BICD1: variants seen among roughly 807,000 people sequenced by gnomAD.
The protein encoded by BICD1 is BICD cargo adaptor 1.
A neutral mutation model predicts 92.5 loss-of-function variants in BICD1; 35 were observed. That is an observed-to-expected ratio of 0.38 (90% CI 0.29 to 0.50). The LOEUF is 0.50. Ranked by LOEUF, BICD1 falls within the 20% of genes least tolerant of loss-of-function variation. The pLI is 0.93. For missense variants in BICD1, 950 were observed against 1,189.8 expected (o/e 0.80, Z 2.97); for synonymous variants, 429 against 465.1 (o/e 0.92, Z 1.00).
At chr12:32,170,904 G>A (rs1054076995) in intron 1 of BICD1, among the ~76,000 whole-genome samples, 3 of 152,166 alleles carry the variant, frequency 2.0e-5, no homozygotes, top group African/African-American at 7.2e-5. Flanking sequence ...TACTGCCGAG[G>A]ACGAGAAGCC....
chr12:32,315,645 A>G (rs936527992), intron 4 of BICD1, among the ~76,000 whole-genome samples: 6 of 152,104 alleles, frequency 3.9e-5, no homozygotes, highest in African/African-American at 1.4e-4. Flanking sequence ...TCTTTCAACA[A>G]TGCTTTATAA....
intron 8 of BICD1, among the ~76,000 whole-genome samples, chr12:32,349,815 T>C (rs1481535728): frequency 2.0e-5 from 3 of 152,338 alleles, no homozygotes; most frequent in Admixed American, 6.5e-5. Flanking sequence ...GGAGTAGTGA[T>C]GTTCCTGAGT....
intron 1 of BICD1, among the ~76,000 whole-genome samples, chr12:32,205,280 T>C (rs1317870741): frequency 1.3e-5 from 2 of 152,118 alleles, no homozygotes; most frequent in African/African-American, 4.8e-5. Flanking sequence ...CTGAGAATAT[T>C]TGGGAATCTC....
chr12:32,211,595 G>A (rs1351438204), intron 1 of BICD1, among the ~76,000 whole-genome samples: 3 of 151,820 alleles, frequency 2.0e-5, no homozygotes, highest in African/African-American at 4.8e-5. Context: ...CGAAAAATAC[G>A]AGAGCCACAG....
chr12:32,306,187 A>C (rs1948211298), intron 4 of BICD1, 65 bp downstream of exon 4: 1 of 1,398,386 alleles, frequency 7.2e-7, no homozygotes, highest in African/African-American at 1.4e-5. Context: ...ATGTTGTGGG[A>C]CTTCTGATTC....
intron 8 of BICD1, among the ~76,000 whole-genome samples, chr12:32,362,902 A>G (rs1939388418): frequency 6.6e-6 from 1 of 152,192 alleles, no homozygotes; most frequent in South Asian, 2.1e-4. Flanking sequence ...ATATTCTCCC[A>G]TATTATCAAA....
rs187229743 is a variant in BICD1, at chr12:32,124,554, G to A, written c.213+17010G>A. Among the ~76,000 whole-genome samples the A allele has an allele frequency of 1.8e-4, 28 of 152,258 alleles. No individual in the cohort carries two copies. The East Asian group carries it at 5.2e-3, about 28-fold the overall frequency. ...CACTTGATAAATGATGGATGTGATG[G>A]TGACAATAATAGTAATAATAATAAA... On this transcript the variant is annotated intron_variant, in intron 1 of 9. Transcript: ENST00000652176.
intron 2 of BICD1, among the ~76,000 whole-genome samples, chr12:32,291,275 G>A (rs934149471): frequency 5.9e-5 from 9 of 152,066 alleles, no homozygotes; most frequent in Admixed American, 1.3e-4. Flanking sequence ...AGTGGCTCAC[G>A]CTTATAATCC....
chr12:32,166,739 A>G (rs545524056), intron 1 of BICD1, among the ~76,000 whole-genome samples: 3 of 152,356 alleles, frequency 2.0e-5, no homozygotes, highest in South Asian at 4.1e-4. Flanking sequence ...CAGTGAGATC[A>G]TAGCATCAGT....
intron 2 of BICD1, among the ~76,000 whole-genome samples, chr12:32,279,744 T>C (rs1443679035): frequency 6.6e-6 from 1 of 152,232 alleles, no homozygotes; most frequent in African/African-American, 2.4e-5. Flanking sequence ...CAGATGCTTG[T>C]ATTGCTTCAA....
At chr12:32,168,978 CA>C (rs1318801529) in intron 1 of BICD1, among the ~76,000 whole-genome samples, 4 of 152,176 alleles carry the variant, frequency 2.6e-5, no homozygotes, top group African/African-American at 9.6e-5. Flanking sequence ...AACAAACAAA[CA>C]AACCCAAAAT....
chr12:32,360,054 G>C (rs1414435889), intron 8 of BICD1, among the ~76,000 whole-genome samples: 1 of 152,050 alleles, frequency 6.6e-6, no homozygotes, highest in African/African-American at 2.4e-5. Context: ...GCGTGGTGGT[G>C]GGTGCCTGTA....
At chr12:32,143,459 T>G (rs1482888025) in intron 1 of BICD1, among the ~76,000 whole-genome samples, 3 of 149,720 alleles carry the variant, frequency 2.0e-5, no homozygotes, top group East Asian at 2.0e-4. Flanking sequence ...TTTAACATTT[T>G]TTTTTGTGTG....
chr12:32,373,708 T>TAAA (rs34938708), intron 9 of BICD1, among the ~76,000 whole-genome samples: 1 of 144,590 alleles, frequency 6.9e-6, no homozygotes, highest in Non-Finnish European at 1.5e-5. Context: ...CCGTCTCTAC[T>TAAA]AAAAAAAAAA....
intron 2 of BICD1, among the ~76,000 whole-genome samples, chr12:32,269,068 C>A (rs74072032): frequency 0.054 from 8,131 of 151,848 alleles, 716 homozygotes; most frequent in African/African-American, 0.19. Context: ...TCCAAGTTCC[C>A]ATGTGATGTT....
intron 2 of BICD1, among the ~76,000 whole-genome samples, chr12:32,282,199 C>CTTTTTTTTTTTT (rs1565639578): frequency 5.8e-5 from 4 of 68,994 alleles, no homozygotes; most frequent in Non-Finnish European, 8.5e-5. Flanking sequence ...TTCAGGTCTT[C>CTTTTTTTTTTTT]TTCTTTTTTT....
At chr12:32,177,955 T>A (rs1944165489) in intron 1 of BICD1, among the ~76,000 whole-genome samples, 1 of 151,262 alleles carries the variant, frequency 6.6e-6, no homozygotes, top group South Asian at 2.1e-4. Flanking sequence ...AAATTCAGAT[T>A]GCAAAGCAGT....
At chr12:32,117,703 A>AATAT (rs371992238) in intron 1 of BICD1, among the ~76,000 whole-genome samples, 1 of 129,602 alleles carries the variant, frequency 7.7e-6, no homozygotes, top group Non-Finnish European at 1.6e-5. Context: ...TATATACACA[A>AATAT]ATATATATAC....
At chr12:32,375,892 G>A (rs539614501) in intron 9 of BICD1, among the ~76,000 whole-genome samples, 11 of 152,030 alleles carry the variant, frequency 7.2e-5, no homozygotes, top group African/African-American at 2.4e-4. Context: ...ATTTTAATTA[G>A]CTTTAAAAAG....
Sources: allele counts gnomAD v4.1 joint callset (sites outside exome capture counted in the v4.1 genomes callset), GRCh38; gene constraint gnomAD v4.1.1; transcripts MANE v1.5; gene names NCBI Gene and HGNC (gene_info 2026-07-23, HGNC 2026-07-21).